TMCC1: variants seen among roughly 807,000 people sequenced by gnomAD.
TMCC1 encodes transmembrane and coiled-coil domains protein 1.
A neutral mutation model predicts 52.4 loss-of-function variants in TMCC1; 15 were observed. The ratio of observed to expected loss-of-function variants is 0.29; its 90% confidence interval spans 0.19 to 0.44. The LOEUF (loss-of-function observed/expected upper bound fraction) is 0.44, where lower values mean the gene tolerates loss of function less well. Ranked by LOEUF, TMCC1 falls within the 20% of genes least tolerant of loss-of-function variation. The probability of loss-of-function intolerance (pLI) is 1.00; values close to 1 mark genes in which losing one functional copy is unlikely to be tolerated. For missense variants in TMCC1, 503 were observed against 806.0 expected, an observed-to-expected ratio of 0.62 and a Z score of 4.55; for synonymous variants, 279 against 301.9, an observed-to-expected ratio of 0.92 and a Z score of 0.79.
chr3:129,801,530 C>T (rs893275969), intron 4 of TMCC1, among the ~76,000 whole-genome samples: 3 of 152,068 alleles, frequency 2.0e-5, no homozygotes, highest in South Asian at 2.1e-4. Context: ...GGCACGATCT[C>T]GGGTCACTGC....
chr3:129,722,480 G>A (rs868141913), intron 4 of TMCC1, among the ~76,000 whole-genome samples: 1 of 151,776 alleles, frequency 6.6e-6, no homozygotes, highest in Middle Eastern at 3.4e-3. Flanking sequence ...GGGACTGCTG[G>A]TTTAATCTAC....
intron 1 of TMCC1, among the ~76,000 whole-genome samples, chr3:129,883,317 A>G (rs865776893): frequency 1.3e-5 from 2 of 149,658 alleles, no homozygotes; most frequent in South Asian, 2.1e-4. Context: ...CAATCAATCA[A>G]TAAGGTTAAA....
At position 129,867,611 on chromosome 3, in the gene TMCC1, A is replaced by T. The variant is rs572642585; in HGVS notation, c.-184+12698T>A. Among the ~76,000 whole-genome samples, 2 of 152,338 alleles carry T rather than the reference A, an allele frequency of 1.3e-5. 1 individual carries two copies. Among genetic ancestry groups the T allele is most frequent in the South Asian group, 4.1e-4 (2 of 4,828 alleles). ...TAGTCCTAACCTGGTGTGGGTAGAA[A>T]ATCTAATGTAACTCTACCAGAGTAA... On this transcript the variant is annotated intron_variant, in intron 2 of 6. Coordinates refer to ENST00000393238, the MANE Select transcript of TMCC1 (RefSeq NM_001017395.5).
chr3:129,812,336 CAAAAAAAAA>C (rs11387876), intron 4 of TMCC1, among the ~76,000 whole-genome samples: 1 of 56,016 alleles, frequency 1.8e-5, no homozygotes, highest in East Asian at 6.9e-4. Context: ...GACTCTGTCT[CAAAAAAAAA>C]AAAAAAAAAA....
Position 129,827,217 on chromosome 3 carries a change from T to C in TMCC1, c.576+586A>G, listed in dbSNP as rs555800057. ...CTCAACTAACCATAACTGAGAGTTATATGGAAAAAGTTTCTCCTAGATTTA... is the reference window on the plus strand; with the variant it reads ...CTCAACTAACCATAACTGAGAGTTACATGGAAAAAGTTTCTCCTAGATTTA... On this transcript the variant is annotated intron_variant, in intron 4 of 6. Transcript: ENST00000393238. Among the ~76,000 whole-genome samples, 81 of 152,284 alleles carry C rather than the reference T, an allele frequency of 5.3e-4. 1 individual carries two copies. The highest frequency in any genetic ancestry group is 1.5e-3 in the African/African-American group (63 of 41,522).
chr3:129,827,968 G>C lies in TMCC1; in HGVS notation c.411C>G (p.Ile137Met). 1 of 1,614,142 alleles carries C rather than the reference G, an allele frequency of 6.2e-7. No homozygotes were observed. Among genetic ancestry groups the C allele is most frequent in the Non-Finnish European group, 8.5e-7 (1 of 1,180,018 alleles). ...TCATCTCCTGACCAGACTTCCTGTT[G>C]ATTTGGGGACTTCCCTTTGGGGCCT... ...KPEAPKGSPQ[I>M]NRKSGQEMTA... Residue 137 changes from isoleucine to methionine, a missense_variant, in exon 4 of 7, where the codon ATC becomes ATG. Ile to Met is a conservative substitution (Grantham distance 10). This residue lies in a region of TMCC1 where 217 missense variants were observed against 297.9 expected (regional missense o/e 0.73). Coordinates refer to ENST00000393238, the MANE Select transcript of TMCC1 (RefSeq NM_001017395.5).
chr3:129,804,955 T>C (rs1426646011), intron 4 of TMCC1, among the ~76,000 whole-genome samples: 2 of 152,218 alleles, frequency 1.3e-5, no homozygotes, highest in Non-Finnish European at 2.9e-5. Context: ...GTTATGGTAC[T>C]TCATTATGGT....
chr3:129,788,233 G>T (rs1243323728), intron 4 of TMCC1, among the ~76,000 whole-genome samples: 1 of 152,076 alleles, frequency 6.6e-6, no homozygotes, highest in Non-Finnish European at 1.5e-5. Flanking sequence ...TATCTTCTCT[G>T]GGTAGCATAT....
intron 4 of TMCC1, among the ~76,000 whole-genome samples, chr3:129,678,940 A>G (rs185649970): frequency 2.6e-4 from 39 of 152,314 alleles, no homozygotes; most frequent in Non-Finnish European, 4.9e-4. Flanking sequence ...CTTTTAAAAC[A>G]TAAGTCAGAT....
At chr3:129,684,129 T>C (rs1312738280) in intron 4 of TMCC1, among the ~76,000 whole-genome samples, 2 of 152,188 alleles carry the variant, frequency 1.3e-5, no homozygotes, top group Admixed American at 6.5e-5. Context: ...AATATGTAAA[T>C]GGTATGGACT....
At chr3:129,791,425 A>G (rs1315951570) in intron 4 of TMCC1, among the ~76,000 whole-genome samples, 2 of 152,094 alleles carry the variant, frequency 1.3e-5, no homozygotes, top group East Asian at 3.9e-4. Context: ...GGCAGTTGGT[A>G]TGGGGAAACA....
chr3:129,755,478 G>C (rs777210806), intron 4 of TMCC1, among the ~76,000 whole-genome samples: 4 of 152,104 alleles, frequency 2.6e-5, no homozygotes, highest in Non-Finnish European at 4.4e-5. Flanking sequence ...TTGTGTGGGA[G>C]AAAATATTTG....
chr3:129,693,386 C>G, intron 4 of TMCC1, among the ~76,000 whole-genome samples: 1 of 151,824 alleles, frequency 6.6e-6, no homozygotes, highest in Middle Eastern at 3.4e-3. Flanking sequence ...AGTACCTTAT[C>G]TTTTATTCTC....
chr3:129,719,842 G>A lies in TMCC1; in HGVS notation c.577-48578C>T, dbSNP rs774114266. The stretch of plus-strand genomic sequence containing the variant: ...TTAATAGCCACATTCATCCAATCTC[G>A]TATACCCTTCCCTTTATAATTTGGA... On this transcript the variant is annotated intron_variant, in intron 4 of 6. Coordinates refer to ENST00000393238, the MANE Select transcript of TMCC1 (RefSeq NM_001017395.5). 9.9e-5 allele frequency among the ~76,000 whole-genome samples: 15 copies of A among 152,040 alleles called. No homozygotes were observed. In the South Asian group the frequency reaches 1.2e-3, roughly 13 times the overall value.
At chr3:129,760,907 C>G (rs2053520461) in intron 4 of TMCC1, among the ~76,000 whole-genome samples, 1 of 152,142 alleles carries the variant, frequency 6.6e-6, no homozygotes, top group African/African-American at 2.4e-5. Context: ...CCACTGCACC[C>G]AGCCCACGTT....
chr3:129,723,659 A>G (rs1203440355), intron 4 of TMCC1, among the ~76,000 whole-genome samples: 3 of 152,216 alleles, frequency 2.0e-5, no homozygotes, highest in African/African-American at 7.2e-5. Context: ...GAGCATGTCC[A>G]TACAGCTACA....
chr3:129,695,231 C>T (rs189320146), intron 4 of TMCC1, among the ~76,000 whole-genome samples: 85 of 150,650 alleles, frequency 5.6e-4, no homozygotes, highest in Non-Finnish European at 9.0e-4. Flanking sequence ...TTTTGAATGT[C>T]CTTTCAAGGG....
chr3:129,890,585 A>C (rs2061921409), intron 1 of TMCC1, among the ~76,000 whole-genome samples: 1 of 152,240 alleles, frequency 6.6e-6, no homozygotes, highest in South Asian at 2.1e-4. Flanking sequence ...TGGAAACAGG[A>C]ACATGTCAAA....
rs1375309357 is a variant in TMCC1 at position 129,828,240 on chromosome 3, C to T, written c.139G>A (p.Val47Met). 4 of 1,614,144 alleles carry T rather than the reference C, an allele frequency of 2.5e-6. No individual in the cohort carries two copies. The highest frequency in any genetic ancestry group is 1.7e-5 in the Admixed American group (1 of 60,008). The change falls in exon 4 of 7, where the codon GTG becomes ATG. Residue 47 changes from valine to methionine, a missense_variant. Coordinates refer to ENST00000393238, the MANE Select transcript of TMCC1 (RefSeq NM_001017395.5). This position sits in a 1 kb window ranked among gnomAD's most constrained non-coding sequence, Gnocchi z 4.1. ...MTHNALENIN[V>M]IGQGLKHLFQ... ...AGATGCTTCAAGCCTTGGCCAATCACGTTAATGTTCTCCAAAGCATTGTGG... is the reference window on the plus strand; with the variant it reads ...AGATGCTTCAAGCCTTGGCCAATCATGTTAATGTTCTCCAAAGCATTGTGG...
Sources: gnomAD v4.1 joint callset for allele counts (sites outside exome capture counted in the v4.1 genomes callset) on GRCh38, gnomAD v4.1.1 for gene constraint, gnomAD v4.1.1 regional missense constraint, Gnocchi (gnomAD v3.1) non-coding constraint, MANE v1.5 for transcripts, NCBI Gene and HGNC (gene_info 2026-07-23, HGNC 2026-07-21) for gene names.